Variants in PCNX2 observed in about 807,000 individuals in gnomAD.
The protein encoded by PCNX2 is pecanex 2.
In PCNX2, 168 loss-of-function variants were observed where a neutral mutation model predicts 223.8. The ratio of observed to expected loss-of-function variants is 0.75; its 90% CI spans 0.66 to 0.85. PCNX2 has a LOEUF of 0.85. Ranked by LOEUF, PCNX2 falls within the 40% of genes least tolerant of loss-of-function variation. The pLI, the probability that PCNX2 is intolerant of heterozygous loss-of-function variation, is 0.00. For missense variants in PCNX2, 2,507 were observed against 2,675.5 expected (o/e 0.94, Z 1.39); for synonymous variants, 1,006 against 1,052.6 (o/e 0.96, Z 0.86).
At chr1:233,228,789 C>A (rs192628679) in intron 9 of PCNX2, among the ~76,000 whole-genome samples, 2 of 152,312 alleles carry the variant, frequency 1.3e-5, no homozygotes, top group Middle Eastern at 3.4e-3. Context: ...AATATCTCTT[C>A]GAGCTCCTGC....
intron 1 of PCNX2, among the ~76,000 whole-genome samples, chr1:233,271,746 T>A (rs558364877): frequency 1.2e-3 from 181 of 152,290 alleles, no homozygotes; most frequent in Non-Finnish European, 2.0e-3. Context: ...TTCCCCACTT[T>A]ATGTTTTTGT....
chr1:233,168,368 T>C (rs529311635), intron 17 of PCNX2, among the ~76,000 whole-genome samples: 250 of 152,264 alleles, frequency 1.6e-3, no homozygotes, highest in African/African-American at 5.8e-3. Context: ...TCATTATGTA[T>C]ATGAATATTT....
At chr1:233,267,484 C>T (rs1660401730) in intron 1 of PCNX2, among the ~76,000 whole-genome samples, 1 of 152,084 alleles carries the variant, frequency 6.6e-6, no homozygotes, top group Admixed American at 6.6e-5. Context: ...TTTATCTTCC[C>T]AAACTGAAAC....
chr1:233,317,679 AG>A, the PCNX2 span, among the ~76,000 whole-genome samples: 2 of 152,074 alleles, frequency 1.3e-5, no homozygotes, highest in Non-Finnish European at 2.9e-5. Flanking sequence ...CGGGGGGAGA[AG>A]GGATAAATAT....
intron 3 of PCNX2, 115 bp from the exon 4 acceptor site, chr1:233,261,436 G>C: frequency 2.2e-6 from 2 of 903,050 alleles, no homozygotes; most frequent in Non-Finnish European, 3.6e-6. Context: ...GTAGGGGAGA[G>C]ACAATACAGT....
intron 15 of PCNX2, among the ~76,000 whole-genome samples, chr1:233,185,073 A>G (rs970445372): frequency 7.5e-6 from 1 of 132,866 alleles, no homozygotes; most frequent in African/African-American, 2.7e-5. Context: ...ATGCAGATGT[A>G]TACATACATA....
intron 13 of PCNX2, among the ~76,000 whole-genome samples, chr1:233,207,968 T>G (rs1211585165): frequency 6.6e-6 from 1 of 152,152 alleles, no homozygotes; most frequent in African/African-American, 2.4e-5. Context: ...ATTTTTTTTT[T>G]TTTTGAGAAA....
At chr1:233,202,491 T>C (rs1157034615) in intron 13 of PCNX2, among the ~76,000 whole-genome samples, 1 of 152,208 alleles carries the variant, frequency 6.6e-6, no homozygotes, top group African/African-American at 2.4e-5. Flanking sequence ...CAGTCAGAAT[T>C]AAAATGGCAC....
chr1:233,254,337 T>A (rs183081594), intron 5 of PCNX2, among the ~76,000 whole-genome samples: 1 of 152,318 alleles, frequency 6.6e-6, no homozygotes, highest in Non-Finnish European at 1.5e-5. Context: ...TCATAACAAA[T>A]AGCTTTAGCC....
intron 23 of PCNX2, among the ~76,000 whole-genome samples, chr1:233,066,034 G>A (rs996560316): frequency 2.8e-4 from 43 of 152,086 alleles, no homozygotes; most frequent in Non-Finnish European, 5.6e-4. Context: ...CCCCCATTCC[G>A]AGCCCATAAA....
At chr1:233,152,932 A>C (rs1036123859) in intron 19 of PCNX2, among the ~76,000 whole-genome samples, 2 of 148,418 alleles carry the variant, frequency 1.3e-5, no homozygotes, top group African/African-American at 4.9e-5. Context: ...ACAAAACTGA[A>C]TCACAATGGC....
In PCNX2 at chr1:233,017,005, G is replaced by C. The variant is rs927102187; in HGVS notation, c.4755C>G (p.Val1585=). The change falls in exon 27 of 34, where the codon GTC becomes GTG. Residue 1585 remains valine (V), a synonymous_variant. Transcript: ENST00000258229. ...CTCGTGTGATCCCCTGGAGACACGG[G>C]ACGTAGTCATCATCAATGTTAATGT... The part of the protein sequence containing the change: ...MFNINIDDDY[V]PCLQGITRAS... 2 of 1,613,848 alleles carry C rather than the reference G, an allele frequency of 1.2e-6. No individual in the cohort carries two copies. Among genetic ancestry groups the C allele is most frequent in the Non-Finnish European group, 1.7e-6 (2 of 1,179,888 alleles).
chr1:233,032,919 A>T (rs1206376509), intron 25 of PCNX2: 4 of 899,520 alleles, frequency 4.4e-6, no homozygotes, highest in African/African-American at 3.6e-5. Flanking sequence ...GGATCATATT[A>T]AAAAAGAATA....
intron 32 of PCNX2, among the ~76,000 whole-genome samples, chr1:232,988,004 G>C (rs1057223973): frequency 1.3e-5 from 2 of 152,200 alleles, no homozygotes; most frequent in Non-Finnish European, 2.9e-5. Context: ...GGGCCCACCC[G>C]CCTCTGCTGC....
intron 5 of PCNX2, among the ~76,000 whole-genome samples, chr1:233,257,302 G>A (rs573626457): frequency 2.7e-4 from 41 of 151,948 alleles, no homozygotes; most frequent in African/African-American, 7.3e-4. Flanking sequence ...AGACTCATCC[G>A]AAGAACAGGA....
chr1:232,988,507 T>C (rs1669575695), intron 32 of PCNX2, among the ~76,000 whole-genome samples: 1 of 152,184 alleles, frequency 6.6e-6, no homozygotes. Context: ...AAGATCATTA[T>C]TTTACAATTT....
At chr1:233,321,323 C>G in the PCNX2 span, among the ~76,000 whole-genome samples, 70 of 151,874 alleles carry the variant, frequency 4.6e-4, no homozygotes, top group African/African-American at 1.5e-3. Flanking sequence ...TTTGAGACAG[C>G]GTCTTGCTCT....
chr1:233,085,607 C>G (rs1385547901), intron 23 of PCNX2, among the ~76,000 whole-genome samples: 1 of 152,126 alleles, frequency 6.6e-6, no homozygotes, highest in African/African-American at 2.4e-5. Flanking sequence ...GAGTGACTTA[C>G]TTGTAGAAAA....
At chr1:233,081,639 C>G (rs1035167894) in intron 23 of PCNX2, among the ~76,000 whole-genome samples, 1 of 152,216 alleles carries the variant, frequency 6.6e-6, no homozygotes, top group African/African-American at 2.4e-5. Context: ...AGCCTGAAGA[C>G]AGGGACTCCA....
Sources: gnomAD v4.1 joint callset for allele counts (sites outside exome capture counted in the v4.1 genomes callset) on GRCh38, gnomAD v4.1.1 for gene constraint, MANE v1.5 for transcripts, NCBI Gene and HGNC (gene_info 2026-07-23, HGNC 2026-07-21) for gene names.